The following ILF2 variants were observed in gnomAD, a reference collection of about 807,000 sequenced individuals.
The protein encoded by ILF2 is interleukin enhancer-binding factor 2.
Under a neutral mutation model 55.3 loss-of-function variants are expected in ILF2, and 9 were observed. The observed-to-expected ratio is 0.16, with a 90% CI of 0.10 to 0.28. The LOEUF is 0.28. Among genes scored for constraint, ILF2 ranks in the 10% least tolerant of loss-of-function variants. The pLI is 1.00. For missense variants in ILF2, 266 were observed against 474.9 expected (o/e 0.56, Z 4.09); for synonymous variants, 151 against 161.8 (o/e 0.93, Z 0.50).
rs780025797 is a variant in ILF2 at position 153,662,456 on chromosome 1, C to G, written c.1113G>C (p.Glu371Asp). ...PPEKKEGEEE[E>D]ENTEEPPQGE... ...CTTGAGGTGGTTCTTCTGTATTCTCCTCTTCTTCCTCTCCTTCCTTCTTCT... is the reference window on the plus strand; with the variant it reads ...CTTGAGGTGGTTCTTCTGTATTCTCGTCTTCTTCCTCTCCTTCCTTCTTCT... Residue 371 changes from glutamate (E) to aspartate (D), a missense_variant, in exon 14 of 14, where the codon GAG (glutamate) becomes GAC (aspartate). Physicochemically the swap from Glu to Asp is conservative, Grantham distance 45. Transcript: ENST00000361891. The G allele has an allele frequency of 6.2e-7, 1 of 1,612,932 alleles. No homozygotes were observed. The highest frequency in any genetic ancestry group is 1.1e-5 in the South Asian group (1 of 91,052).
chr1:153,662,068 G>GA lies in ILF2; in HGVS notation c.*327dup, dbSNP rs936656028. 4.3e-4 allele frequency: 85 copies of GA among 199,440 alleles called. No homozygotes were observed. Among genetic ancestry groups the GA allele is most frequent in the South Asian group, 8.0e-4 (6 of 7,504 alleles). 12.4% of individuals were successfully genotyped at this position (199,440 alleles called of 1,614,324 possible). A position where few individuals can be genotyped will look rare whatever the true frequency, so the allele number is the denominator to read the frequency against. On this transcript the variant is annotated 3_prime_UTR_variant, in exon 14 of 14. Transcript: ENST00000361891. ...GGAAGTACTTTAATAGTTTTTCTTAGAAAAAAAAATTTCCAGACACTTAAC... is the reference window on the plus strand; with the variant it reads ...GGAAGTACTTTAATAGTTTTTCTTAGAAAAAAAAAATTTCCAGACACTTAAC...
intron 8 of ILF2, among the ~76,000 whole-genome samples, chr1:153,664,887 T>C (rs1669270072): frequency 6.6e-6 from 1 of 152,196 alleles, no homozygotes; most frequent in South Asian, 2.1e-4. Context: ...CCACCCTGTG[T>C]TTCTCATATC....
rs141836751 is a variant in ILF2 at position 153,668,939 on chromosome 1, G to A, written c.109-382C>T. On this transcript the variant is annotated intron_variant, in intron 3 of 13. Transcript: ENST00000361891. ...TCAAAGGCCAGGCACAGTGGGTCAC[G>A]CACACCTGTAATCCCAGCACCGTGG... 5.9e-3 allele frequency among the ~76,000 whole-genome samples: 900 copies of A among 151,632 alleles called. 5 individuals carry two copies. The highest frequency in any genetic ancestry group is 0.016 in the South Asian group (75 of 4,796).
chr1:153,666,896 C>T (rs988371430), intron 6 of ILF2, among the ~76,000 whole-genome samples: 6 of 152,094 alleles, frequency 3.9e-5, no homozygotes, highest in African/African-American at 9.6e-5. Context: ...CCAAGGCGGG[C>T]GGATCACCTG....
Position 153,670,972 on chromosome 1 carries a change from T to C in ILF2, c.-50A>G. On this transcript the variant is annotated 5_prime_UTR_variant, in exon 1 of 14. Coordinates refer to ENST00000361891, the MANE Select transcript of ILF2 (RefSeq NM_004515.4). ...AGGCCGCACCAACCGCCCCTTCCTCTGAGTAGCAGACAACTGAAGAGGCGT... is the reference window on the plus strand; with the variant it reads ...AGGCCGCACCAACCGCCCCTTCCTCCGAGTAGCAGACAACTGAAGAGGCGT... 1 of 1,613,656 alleles carries C rather than the reference T, an allele frequency of 6.2e-7. No individual in the cohort carries two copies. The highest frequency in any genetic ancestry group is 8.5e-7 in the Non-Finnish European group (1 of 1,179,524).
At chr1:153,670,699 A>AC (rs1669420749) in intron 1 of ILF2, among the ~76,000 whole-genome samples, 1 of 144,632 alleles carries the variant, frequency 6.9e-6, no homozygotes, top group Non-Finnish European at 1.5e-5. Flanking sequence ...AAGGTGTCGA[A>AC]CCCCCCTCCC....
chr1:153,662,941 C>A, intron 12 of ILF2, 78 bp downstream of exon 12: 1 of 1,380,874 alleles, frequency 7.2e-7, no homozygotes. Flanking sequence ...CCGTAAAGAC[C>A]ATATTCCGCT....
intron 12 of ILF2, 84 bp from the exon 13 acceptor site, chr1:153,662,879 C>G: frequency 7.3e-7 from 1 of 1,368,752 alleles, no homozygotes; most frequent in Non-Finnish European, 1.0e-6. Context: ...GAGATTAAGA[C>G]AGCTTTTTAA....
intron 2 of ILF2, 101 bp from the exon 3 acceptor site, chr1:153,669,979 G>T: frequency 8.7e-7 from 1 of 1,143,074 alleles, no homozygotes; most frequent in Non-Finnish European, 1.3e-6. Flanking sequence ...CTCAGAATGA[G>T]TGACAAAGTC....
At chr1:153,669,022 T>C (rs1000996435) in intron 3 of ILF2, among the ~76,000 whole-genome samples, 1 of 151,978 alleles carries the variant, frequency 6.6e-6, no homozygotes, top group African/African-American at 2.4e-5. Flanking sequence ...CTGGGCAACA[T>C]GGTGAAACCC....
chr1:153,666,316 G>C (rs980089714), intron 6 of ILF2, among the ~76,000 whole-genome samples: 1 of 151,646 alleles, frequency 6.6e-6, no homozygotes, highest in Non-Finnish European at 1.5e-5. Flanking sequence ...CCCAAGTAGT[G>C]GGGATTACAG....
At chr1:153,663,978 T>TACG in intron 10 of ILF2, 65 bp downstream of exon 10, 1 of 811,864 alleles carries the variant, frequency 1.2e-6, no homozygotes. Context: ...CTACTACTAC[T>TACG]ACTACTACTA....
intron 5 of ILF2, among the ~76,000 whole-genome samples, 168 bp from the exon 6 acceptor site, chr1:153,667,825 A>T (rs1232929709): frequency 2.6e-5 from 4 of 152,248 alleles, no homozygotes; most frequent in Non-Finnish European, 5.9e-5. Context: ...CAGCTAGCAT[A>T]ACAATGATAC....
intron 7 of ILF2, 37 bp downstream of exon 7, chr1:153,665,626 A>C (rs754821957): frequency 7.2e-6 from 11 of 1,528,300 alleles, no homozygotes; most frequent in Non-Finnish European, 1.0e-5. Flanking sequence ...CCTGGTTCCT[A>C]TGGCTACTAA....
intron 3 of ILF2, 101 bp from the exon 4 acceptor site, chr1:153,668,658 AT>A (rs1184859888): frequency 2.2e-6 from 3 of 1,342,908 alleles, no homozygotes; most frequent in Non-Finnish European, 3.0e-6. Context: ...AAAACAGAAA[AT>A]TCTACACTTG....
intron 1 of ILF2, 30 bp from the exon 2 acceptor site, chr1:153,670,260 T>C (rs369752728): frequency 3.7e-5 from 59 of 1,609,956 alleles, no homozygotes; most frequent in Non-Finnish European, 4.9e-5. Context: ...TTTGACCTCA[T>C]TGAAGGAATA....
chr1:153,669,786 C>G, intron 3 of ILF2, 50 bp downstream of exon 3: 2 of 1,430,144 alleles, frequency 1.4e-6, no homozygotes, highest in Non-Finnish European at 9.9e-7. Flanking sequence ...ATACTGGGCT[C>G]CATTTCAACA....
At chr1:153,668,661 C>A in intron 3 of ILF2, 104 bp from the exon 4 acceptor site, 1 of 1,334,262 alleles carries the variant, frequency 7.5e-7, no homozygotes, top group Non-Finnish European at 1.0e-6. Context: ...ACAGAAAATT[C>A]TACACTTGTT....
chr1:153,669,780 TG>T, intron 3 of ILF2, 55 bp downstream of exon 3: 2 of 1,365,542 alleles, frequency 1.5e-6, no homozygotes, highest in Non-Finnish European at 2.1e-6. Context: ...TGGGAGATAC[TG>T]GGCTCCATTT....
Sources: allele counts gnomAD v4.1 joint callset (sites outside exome capture counted in the v4.1 genomes callset), GRCh38; gene constraint gnomAD v4.1.1; transcripts MANE v1.5; gene names NCBI Gene and HGNC (gene_info 2026-07-23, HGNC 2026-07-21).